The following CPNE2 variants were observed in gnomAD, a reference collection of about 807,000 sequenced individuals.
CPNE2 encodes the protein copine 2, also known as copine-2.
Under a neutral mutation model 69.7 loss-of-function variants are expected in CPNE2, and 42 were observed. The observed-to-expected ratio is 0.60, with a 90% CI of 0.47 to 0.78. The LOEUF (loss-of-function observed/expected upper bound fraction) is 0.78, where lower values mean the gene tolerates loss of function less well. Among genes scored for constraint, CPNE2 ranks in the 30% least tolerant of loss-of-function variants. CPNE2 has a pLI of 0.00. For missense variants in CPNE2, 587 were observed against 732.0 expected (o/e 0.80, Z 2.29); for synonymous variants, 294 against 289.8 (o/e 1.01, Z -0.15).
At position 57,114,182 on chromosome 16, in the gene CPNE2, G is replaced by C. The variant is rs115325309; in HGVS notation, c.360+715G>C. Among the ~76,000 whole-genome samples, 362 of 152,356 alleles carry C rather than the reference G, an allele frequency of 2.4e-3. 1 individual carries two copies. The highest frequency in any genetic ancestry group is 8.0e-3 in the African/African-American group (333 of 41,580). ...CTTTTTGCGTAAGAAGCAGGGTACAGTAGTCAGGGTCCCTACCCTGTGGTA... is the reference window on the plus strand; with the variant it reads ...CTTTTTGCGTAAGAAGCAGGGTACACTAGTCAGGGTCCCTACCCTGTGGTA... On this transcript the variant is annotated intron_variant, in intron 3 of 15. Transcript: ENST00000290776.
At chr16:57,109,990 C>G (rs1309786138) in intron 1 of CPNE2, among the ~76,000 whole-genome samples, 1 of 152,204 alleles carries the variant, frequency 6.6e-6, no homozygotes, top group Non-Finnish European at 1.5e-5. Context: ...CAGTTGTCAG[C>G]TCCACTGTGG....
At chr16:57,125,193 G>T in intron 10 of CPNE2, 1 of 425,128 alleles carries the variant, frequency 2.4e-6, no homozygotes, top group South Asian at 1.6e-5. Flanking sequence ...CTGGGGCTGA[G>T]AGAGCAGGTA....
rs1362234029 is a variant in CPNE2, at chr16:57,130,147, G to C, written c.1116+2244G>C. On this transcript the variant is annotated intron_variant, in intron 12 of 15. Transcript: ENST00000290776. This position sits in a 1 kb window ranked among gnomAD's most constrained non-coding sequence, Gnocchi z 4.1. ...TATAATCTTAGCACTTTGGGAGGCT[G>C]AGGAGGGTGGATCACAAGGTGAGGA... is the stretch of plus-strand genomic sequence containing the variant. Among the ~76,000 whole-genome samples, 2 of 152,138 alleles carry C rather than the reference G, an allele frequency of 1.3e-5. No individual in the cohort carries two copies. The highest frequency in any genetic ancestry group is 4.8e-5 in the African/African-American group (2 of 41,430).
At chr16:57,140,030 G>T (rs1310019293) in intron 14 of CPNE2, among the ~76,000 whole-genome samples, 1 of 152,168 alleles carries the variant, frequency 6.6e-6, no homozygotes, top group African/African-American at 2.4e-5. Flanking sequence ...GAGGGAACAG[G>T]AAGCGCAGGG....
chr16:57,124,220 T>G, intron 10 of CPNE2: 1 of 347,072 alleles, frequency 2.9e-6, no homozygotes, highest in South Asian at 2.2e-5. Context: ...TAGCTGGGAT[T>G]ACAGGTGCAT....
At chr16:57,117,369 G>A (rs2069726919) in intron 4 of CPNE2, 127 bp from the exon 5 acceptor site, 1 of 860,942 alleles carries the variant, frequency 1.2e-6, no homozygotes, top group Non-Finnish European at 1.8e-6. Context: ...TTTGTCCAAG[G>A]TCACCTGGAA....
intron 1 of CPNE2, among the ~76,000 whole-genome samples, chr16:57,105,862 G>T (rs1315274596): frequency 6.6e-6 from 1 of 152,080 alleles, no homozygotes; most frequent in Non-Finnish European, 1.5e-5. Flanking sequence ...CCATCCCCCA[G>T]CCTGAAACCT....
chr16:57,108,721 GA>G (rs2069662457), intron 1 of CPNE2, among the ~76,000 whole-genome samples: 1 of 152,188 alleles, frequency 6.6e-6, no homozygotes, highest in South Asian at 2.1e-4. Context: ...CACCCCTTGA[GA>G]TGGGTTGCTC....
chr16:57,126,269 C>T (rs1379354379), intron 11 of CPNE2, among the ~76,000 whole-genome samples: 1 of 152,162 alleles, frequency 6.6e-6, no homozygotes, highest in Non-Finnish European at 1.5e-5. Context: ...AGATTAAACT[C>T]ATTCATTATT....
chr16:57,097,490 G>T (rs73548831), intron 1 of CPNE2, among the ~76,000 whole-genome samples: 9,648 of 152,306 alleles, frequency 0.063, 512 homozygotes, highest in East Asian at 0.13. Flanking sequence ...CCTCTTCAGT[G>T]TACCAGCTTT....
intron 12 of CPNE2, 144 bp from the exon 13 acceptor site, chr16:57,134,631 G>C (rs2069863715): frequency 2.5e-6 from 2 of 794,168 alleles, no homozygotes; most frequent in African/African-American, 3.4e-5. Context: ...GCAGATGTGG[G>C]GGGTATCAGT....
chr16:57,119,529 C>G lies in CPNE2; in HGVS notation c.592-32C>G, dbSNP rs75543218. On this transcript the variant is annotated intron_variant, in intron 6 of 15. Coordinates refer to ENST00000290776, the MANE Select transcript of CPNE2 (RefSeq NM_152727.6). ...ACCCCAGAGCACTGCTGCCCAGGGC[C>G]TGAGCTCACAGCATCCCTCTCTGTC... The G allele has an allele frequency of 0.027, 43,566 of 1,584,626 alleles. 2,745 individuals are homozygous for G. The East Asian group carries it at 0.29, about 10-fold the overall frequency.
chr16:57,131,050 C>A (rs1010034713), intron 12 of CPNE2, among the ~76,000 whole-genome samples: 2 of 151,858 alleles, frequency 1.3e-5, no homozygotes, highest in Non-Finnish European at 2.9e-5. Flanking sequence ...GGAGTCGCTG[C>A]AGATGGGCAG....
In CPNE2 at chr16:57,101,448, G is replaced by A. The variant is rs549122458; in HGVS notation, c.-36+8658G>A. On this transcript the variant is annotated intron_variant, in intron 1 of 15. Coordinates refer to ENST00000290776, the MANE Select transcript of CPNE2 (RefSeq NM_152727.6). ...CCATCAGGGCCCGTAGGGAATGGGT[G>A]TCTTGTTAGCTGAGGGTTCTGGTTA... Among the ~76,000 whole-genome samples the A allele has an allele frequency of 1.2e-3, 190 of 152,174 alleles. 1 individual carries two copies. Among genetic ancestry groups the A allele is most frequent in the Non-Finnish European group, 4.9e-4 (33 of 68,036 alleles).
At chr16:57,107,049 C>T (rs1052363802) in intron 1 of CPNE2, among the ~76,000 whole-genome samples, 3 of 152,208 alleles carry the variant, frequency 2.0e-5, no homozygotes, top group Non-Finnish European at 4.4e-5. Flanking sequence ...CTCTCTGGGC[C>T]TCAGTTTCCT....
chr16:57,146,154 G>T lies in CPNE2; in HGVS notation c.1372G>T (p.Val458Leu). 6.3e-7 allele frequency: 1 copy of T among 1,589,888 alleles called. No individual in the cohort carries two copies. The highest frequency in any genetic ancestry group is 8.6e-7 in the Non-Finnish European group (1 of 1,167,318). Residue 458 changes from valine (V) to leucine (L), a missense_variant, in exon 15 of 16, where the codon GTG becomes TTG. Physicochemically the swap from Val to Leu is conservative, Grantham distance 32. Around this residue, in one of 5 missense-constraint regions of CPNE2, gnomAD observed 185 missense variants for 252.3 expected, o/e 0.73. Transcript: ENST00000290776. This position sits in a 1 kb window ranked among gnomAD's most constrained non-coding sequence, Gnocchi z 4.4. ...CATGGAGGAGACACGGCATGCCGTG[G>T]TGCAGGCTTCCAAGCTGCCCATGTC... The part of the protein sequence containing the change: ...SDMEETRHAV[V>L]QASKLPMSII...
intron 1 of CPNE2, among the ~76,000 whole-genome samples, chr16:57,100,606 C>T (rs896489442): frequency 1.3e-5 from 2 of 152,214 alleles, no homozygotes; most frequent in East Asian, 3.8e-4. Context: ...GCCAGAGGAC[C>T]AGAACCATGT....
intron 5 of CPNE2, among the ~76,000 whole-genome samples, chr16:57,118,099 T>C (rs1259340553): frequency 6.6e-6 from 1 of 152,000 alleles, no homozygotes; most frequent in African/African-American, 2.4e-5. Flanking sequence ...TCCCTGAAAT[T>C]GGTCTTCAAT....
chr16:57,115,587 T>TCCCCCCCCCCCCCCCCCC, intron 4 of CPNE2, 37 bp downstream of exon 4: 1 of 1,397,258 alleles, frequency 7.2e-7, no homozygotes. Flanking sequence ...ACCCCCTCCA[T>TCCCCCCCCCCCCCCCCCC]CCCCACCCCA....
Sources: allele counts gnomAD v4.1 joint callset (sites outside exome capture counted in the v4.1 genomes callset), GRCh38; gene constraint gnomAD v4.1.1; regional missense constraint gnomAD v4.1.1; non-coding constraint Gnocchi (gnomAD v3.1); transcripts MANE v1.5; gene names NCBI Gene and HGNC (gene_info 2026-07-23, HGNC 2026-07-21).